The following FAM227B variants were observed in gnomAD, a reference collection of about 807,000 sequenced individuals.
FAM227B encodes the protein protein FAM227B.
A neutral mutation model predicts 73.8 loss-of-function variants in FAM227B; 88 were observed. The observed-to-expected ratio is 1.19, with a 90% confidence interval of 1.00 to 1.42. The LOEUF (loss-of-function observed/expected upper bound fraction) is 1.42. Ranked by LOEUF, FAM227B falls within the 40% of genes most tolerant of loss-of-function variation. FAM227B has a pLI of 0.00. For synonymous variants in FAM227B, 210 were observed against 190.5 expected, an observed-to-expected ratio of 1.10 and a Z score of -0.84; for missense variants, 632 against 590.9, an observed-to-expected ratio of 1.07 and a Z score of -0.72.
intron 11 of FAM227B, among the ~76,000 whole-genome samples, chr15:49,457,052 A>G (rs79716674): frequency 6.6e-5 from 10 of 152,186 alleles, no homozygotes; most frequent in East Asian, 5.8e-4. Flanking sequence ...AGCCAGTATC[A>G]TTTTTACTAC....
intron 13 of FAM227B, among the ~76,000 whole-genome samples, chr15:49,337,508 CTTTTTTTTTTTT>C (rs33973907): frequency 1.9e-4 from 7 of 36,080 alleles, no homozygotes; most frequent in Admixed American, 6.6e-4. Flanking sequence ...CATTTACCCA[CTTTTTTTTTTTT>C]TTTTTTTTTT....
At chr15:49,344,687 A>G (rs2041217751) in intron 13 of FAM227B, among the ~76,000 whole-genome samples, 1 of 152,230 alleles carries the variant, frequency 6.6e-6, no homozygotes, top group Admixed American at 6.5e-5. Context: ...ATAAACAAGA[A>G]GTCTGCAATC....
intron 11 of FAM227B, among the ~76,000 whole-genome samples, chr15:49,464,768 C>A (rs1479246518): frequency 2.6e-5 from 4 of 152,144 alleles, no homozygotes; most frequent in African/African-American, 9.7e-5. Flanking sequence ...CACATAGTAT[C>A]TCCGTGTAAA....
At chr15:49,495,100 T>C (rs966593335) in intron 11 of FAM227B, among the ~76,000 whole-genome samples, 6 of 152,214 alleles carry the variant, frequency 3.9e-5, no homozygotes, top group African/African-American at 1.4e-4. Context: ...TAATAATTCA[T>C]TTCATAATAT....
At chr15:49,454,766 T>C (rs1253772702) in intron 11 of FAM227B, among the ~76,000 whole-genome samples, 1 of 152,092 alleles carries the variant, frequency 6.6e-6, no homozygotes, top group African/African-American at 2.4e-5. Flanking sequence ...CGTGCCACCA[T>C]GCCCCACTAA....
chr15:49,494,289 A>ACACACACC (rs71432294), intron 11 of FAM227B, among the ~76,000 whole-genome samples: 9 of 144,372 alleles, frequency 6.2e-5, no homozygotes, highest in African/African-American at 2.2e-4. Flanking sequence ...ACACACACAC[A>ACACACACC]CCCTAAACAT....
intron 11 of FAM227B, among the ~76,000 whole-genome samples, chr15:49,392,764 CAT>C (rs1252648221): frequency 6.6e-6 from 1 of 152,164 alleles, no homozygotes; most frequent in East Asian, 1.9e-4. Flanking sequence ...TAATGAATGA[CAT>C]GAGTGATGTG....
chr15:49,596,167 T>A (rs1881899876), intron 3 of FAM227B, among the ~76,000 whole-genome samples: 1 of 151,926 alleles, frequency 6.6e-6, no homozygotes, highest in African/African-American at 2.4e-5. Context: ...AGTCATTAGG[T>A]TATCTAAAGT....
At chr15:49,388,684 CAG>C (rs1458462919) in intron 11 of FAM227B, among the ~76,000 whole-genome samples, 1 of 151,862 alleles carries the variant, frequency 6.6e-6, no homozygotes, top group African/African-American at 2.4e-5. Flanking sequence ...AAATAATTGA[CAG>C]AGTAAACAGA....
intron 14 of FAM227B, among the ~76,000 whole-genome samples, chr15:49,333,918 C>T (rs2039252617): frequency 6.6e-6 from 1 of 151,842 alleles, no homozygotes; most frequent in Non-Finnish European, 1.5e-5. Flanking sequence ...AAAAACTAGC[C>T]CAATAGAGAC....
At chr15:49,493,755 C>G (rs1407405134) in intron 11 of FAM227B, among the ~76,000 whole-genome samples, 1 of 151,834 alleles carries the variant, frequency 6.6e-6, no homozygotes, top group East Asian at 1.9e-4. Flanking sequence ...GTCTATCTAT[C>G]CATCCACCTA....
chr15:49,499,877 T>A (rs1258781145), intron 11 of FAM227B, among the ~76,000 whole-genome samples: 1 of 152,154 alleles, frequency 6.6e-6, no homozygotes, highest in Non-Finnish European at 1.5e-5. Context: ...GACCTAAAAG[T>A]AAGAGCTACA....
intron 10 of FAM227B, among the ~76,000 whole-genome samples, chr15:49,514,532 G>A (rs1418646424): frequency 6.6e-6 from 1 of 152,072 alleles, no homozygotes; most frequent in African/African-American, 2.4e-5. Context: ...ATAGGGTCAT[G>A]TTATCTGCAA....
At chr15:49,377,488 G>A (rs1466663749) in intron 11 of FAM227B, among the ~76,000 whole-genome samples, 2 of 152,074 alleles carry the variant, frequency 1.3e-5, no homozygotes. Flanking sequence ...CACAAACAGT[G>A]TATGAGGGTT....
intron 9 of FAM227B, among the ~76,000 whole-genome samples, chr15:49,562,362 T>C (rs921909546): frequency 1.3e-5 from 2 of 151,700 alleles, no homozygotes; most frequent in Non-Finnish European, 2.9e-5. Context: ...ATAATAATAA[T>C]AAAAACCTAT....
At chr15:49,585,039 C>T (rs1309970625) in intron 5 of FAM227B, among the ~76,000 whole-genome samples, 1 of 152,118 alleles carries the variant, frequency 6.6e-6, no homozygotes, top group Non-Finnish European at 1.5e-5. Context: ...AGGATATGAA[C>T]AGACACTTCT....
chr15:49,359,002 T>C (rs1291891188), intron 13 of FAM227B, among the ~76,000 whole-genome samples: 1 of 151,758 alleles, frequency 6.6e-6, no homozygotes, highest in African/African-American at 2.4e-5. Flanking sequence ...ATTCCCTATT[T>C]AATAAATGGT....
intron 11 of FAM227B, chr15:49,396,234 C>T (rs1036636399): frequency 2.1e-4 from 75 of 359,704 alleles, no homozygotes; most frequent in East Asian, 1.4e-3. Context: ...AAAGGGGTGA[C>T]GGACGGCACC....
At chr15:49,355,953 A>G (rs2043086120) in intron 13 of FAM227B, among the ~76,000 whole-genome samples, 2 of 151,592 alleles carry the variant, frequency 1.3e-5, no homozygotes, top group South Asian at 4.2e-4. Context: ...CTTAAAGAAA[A>G]GAATTTTCAA....
Sources: allele counts gnomAD v4.1 joint callset (sites outside exome capture counted in the v4.1 genomes callset), GRCh38; gene constraint gnomAD v4.1.1; transcripts MANE v1.5; gene names NCBI Gene and HGNC (gene_info 2026-07-23, HGNC 2026-07-21).